KAT6A: variants seen among roughly 807,000 people sequenced by gnomAD.
KAT6A encodes lysine acetyltransferase 6A.
In KAT6A, 9 loss-of-function variants were observed where a neutral mutation model predicts 198.4. The observed-to-expected ratio is 0.05, with a 90% confidence interval of 0.03 to 0.08. The LOEUF (loss-of-function observed/expected upper bound fraction) is 0.08, where lower values mean the gene tolerates loss of function less well. KAT6A is among the 10% of genes least tolerant of loss of function. The pLI, the probability that KAT6A is intolerant of heterozygous loss-of-function variation, is 1.00. For synonymous variants in KAT6A, 890 were observed against 883.0 expected, an observed-to-expected ratio of 1.01 and a Z score of -0.14; for missense variants, 2,077 against 2,509.9, an observed-to-expected ratio of 0.83 and a Z score of 3.69.
At position 42,011,998 on chromosome 8, in the gene KAT6A, C is replaced by T. The variant is rs190677772; in HGVS notation, c.601-24435G>A. On this transcript the variant is annotated intron_variant, in intron 2 of 16. Transcript: ENST00000265713. Reference sequence around the variant, plus strand: ...CACCAAAGAAGATATGTACATAAAACACATGAAAAGATGCTTCACACAACC... The same window carrying T: ...CACCAAAGAAGATATGTACATAAAATACATGAAAAGATGCTTCACACAACC... 2.0e-3 allele frequency among the ~76,000 whole-genome samples: 300 copies of T among 151,426 alleles called. 2 individuals are homozygous for T. Among genetic ancestry groups the T allele is most frequent in the African/African-American group, 6.9e-3 (286 of 41,274 alleles).
Position 41,932,377 on chromosome 8 carries a change from T to A in KAT6A, c.5843A>T (p.Gln1948Leu), listed in dbSNP as rs1024831278. 1 of 1,614,132 alleles carries A rather than the reference T, an allele frequency of 6.2e-7. No homozygotes were observed. The highest frequency in any genetic ancestry group is 8.5e-7 in the Non-Finnish European group (1 of 1,180,048). The change falls in exon 17 of 17, where the codon CAG (glutamine) becomes CTG (leucine). Residue 1948 changes from glutamine to leucine, a missense_variant. Physicochemically the swap from Gln to Leu is moderately radical, Grantham distance 113 (BLOSUM62 -2). Coordinates refer to ENST00000265713, the MANE Select transcript of KAT6A (RefSeq NM_006766.5). Reference protein sequence around the residue: ...SNPAYMNQTAQYPMQMQMGMM... With the variant: ...SNPAYMNQTALYPMQMQMGMM... Reference sequence around the variant, plus strand: ...TCCCATCTGCATCTGCATAGGATACTGTGCTGTCTGGTTCATGTAGGCAGG... The same window carrying A: ...TCCCATCTGCATCTGCATAGGATACAGTGCTGTCTGGTTCATGTAGGCAGG...
intron 12 of KAT6A, among the ~76,000 whole-genome samples, chr8:41,944,808 C>T (rs1180606130): frequency 3.3e-5 from 5 of 152,166 alleles, no homozygotes; most frequent in South Asian, 2.1e-4. Flanking sequence ...ATCATGAGTC[C>T]TATTTCAAAA....
chr8:41,982,182 A>G (rs1443520171), intron 3 of KAT6A, among the ~76,000 whole-genome samples: 1 of 152,168 alleles, frequency 6.6e-6, no homozygotes, highest in Non-Finnish European at 1.5e-5. Context: ...CAATTTGATT[A>G]TTAAAAAAAA....
At chr8:41,996,116 T>G (rs1825189604) in intron 2 of KAT6A, among the ~76,000 whole-genome samples, 1 of 152,220 alleles carries the variant, frequency 6.6e-6, no homozygotes, top group South Asian at 2.1e-4. Context: ...AAAAGAACAG[T>G]CAAGAACCTG....
chr8:42,051,759 C>T (rs1802673223), intron 1 of KAT6A, 142 bp downstream of exon 1: 1 of 145,368 alleles, frequency 6.9e-6, no homozygotes, highest in Non-Finnish European at 1.5e-5. Context: ...AGGCCTGGCG[C>T]AGAGCAGCGG....
chr8:41,974,827 A>G lies in KAT6A; in HGVS notation c.1364-5T>C, dbSNP rs779315524. 2 of 1,590,454 alleles carry G rather than the reference A, an allele frequency of 1.3e-6. No individual in the cohort carries two copies. Among genetic ancestry groups the G allele is most frequent in the Admixed American group, 3.4e-5 (2 of 58,134 alleles). On this transcript the variant is annotated splice_polypyrimidine_tract_variant and splice_region_variant and intron_variant, in intron 7 of 16. Coordinates refer to ENST00000265713, the MANE Select transcript of KAT6A (RefSeq NM_006766.5). ...CATCCCAGCCATCCTGATTGTCTAC[A>G]TATAAAAAAAGAGCTCACATGTTAA...
At position 41,955,313 on chromosome 8, in the gene KAT6A, A is replaced by G; in HGVS notation, c.1581T>C (p.Tyr527=). 1.9e-6 allele frequency: 3 copies of G among 1,602,088 alleles called. No individual in the cohort carries two copies. The highest frequency in any genetic ancestry group is 2.6e-6 in the Non-Finnish European group (3 of 1,169,056). Residue 527 remains tyrosine, a synonymous_variant, in exon 9 of 17, where the codon TAT becomes TAC. Transcript: ENST00000265713. ...YEIHTWYSSP[Y]PQEYSRLPKL... ...AAACATACCTTGAGTATTCTTGAGGATATGGGGAGGAGTACCAGGTGTGAA... is the reference window on the plus strand; with the variant it reads ...AAACATACCTTGAGTATTCTTGAGGGTATGGGGAGGAGTACCAGGTGTGAA...
intron 2 of KAT6A, among the ~76,000 whole-genome samples, chr8:42,032,131 G>A (rs1462505687): frequency 4.6e-5 from 7 of 152,192 alleles, no homozygotes; most frequent in South Asian, 2.1e-4. Flanking sequence ...GGGTTTTGCC[G>A]TGTTAGCCAG....
At position 41,934,257 on chromosome 8, in the gene KAT6A, A is replaced by G. The variant is rs1403492050; in HGVS notation, c.3963T>C (p.Asp1321=). 6.2e-7 allele frequency: 1 copy of G among 1,613,866 alleles called. No homozygotes were observed. Among genetic ancestry groups the G allele is most frequent in the Non-Finnish European group, 8.5e-7 (1 of 1,180,012 alleles). The part of the protein sequence containing the change: ...NDDHDADDED[D]GHLESTKKKE... ...TTTTCTTTGTGGACTCCAGGTGGCCATCATCCTCATCATCAGCGTCGTGGT... is the reference window on the plus strand; with the variant it reads ...TTTTCTTTGTGGACTCCAGGTGGCCGTCATCCTCATCATCAGCGTCGTGGT... The change falls in exon 17 of 17, where the codon GAT becomes GAC. Residue 1321 remains aspartate (D), a synonymous_variant. Transcript: ENST00000265713.
At chr8:41,940,772 A>C in intron 15 of KAT6A, 70 bp downstream of exon 15, 1 of 1,523,594 alleles carries the variant, frequency 6.6e-7, no homozygotes, top group South Asian at 1.3e-5. Flanking sequence ...TCAGAACTGT[A>C]AGCTAAAACG....
At position 41,940,888 on chromosome 8, in the gene KAT6A, C is replaced by G. The variant is rs754507434; in HGVS notation, c.2993G>C (p.Arg998Pro). 1 of 1,613,658 alleles carries G rather than the reference C, an allele frequency of 6.2e-7. No individual in the cohort carries two copies. The highest frequency in any genetic ancestry group is 1.3e-5 in the African/African-American group (1 of 74,910). Residue 998 changes from arginine to proline, a missense_variant, in exon 15 of 17, where the codon CGG becomes CCG. Transcript: ENST00000265713. ...TGTGAGAATTGGTGGCGAGCTTGAC[C>G]GAGGGCTTTCCGGCTCCTCCTCCTC... Reference protein sequence around the residue: ...SEEEEEPESPRSSSPPILTKP... With the variant: ...SEEEEEPESPPSSSPPILTKP...
intron 4 of KAT6A, 39 bp from the exon 5 acceptor site, chr8:41,980,966 T>C (rs529544642): frequency 2.1e-5 from 29 of 1,362,314 alleles, no homozygotes; most frequent in South Asian, 1.4e-4. Flanking sequence ...CTTAACCTTA[T>C]GAAGCAGAAA....
chr8:41,975,751 G>C (rs1824020623), intron 7 of KAT6A, among the ~76,000 whole-genome samples: 1 of 152,074 alleles, frequency 6.6e-6, no homozygotes, highest in Admixed American at 6.6e-5. Context: ...TAAAGCAAAC[G>C]CTCACACCAC....
At position 42,000,664 on chromosome 8, in the gene KAT6A, C is replaced by T. The variant is rs539466030; in HGVS notation, c.601-13101G>A. 4.6e-5 allele frequency among the ~76,000 whole-genome samples: 7 copies of T among 152,246 alleles called. No homozygotes were observed. The South Asian group carries it at 1.5e-3, about 32-fold the overall frequency. ...ATATTGTTATTGTAGGCATTTATTT[C>T]GGCCAAAGGTTTAAGAACACGTGAA... On this transcript the variant is annotated intron_variant, in intron 2 of 16. Transcript: ENST00000265713.
chr8:41,939,548 TGATA>T (rs2150860280), intron 15 of KAT6A, among the ~76,000 whole-genome samples: 1 of 152,202 alleles, frequency 6.6e-6, no homozygotes, highest in East Asian at 1.9e-4. Flanking sequence ...CTATACATAC[TGATA>T]GATATATGCC....
At chr8:41,981,284 C>T (rs192716535) in intron 4 of KAT6A, among the ~76,000 whole-genome samples, 3 of 152,278 alleles carry the variant, frequency 2.0e-5, no homozygotes, top group East Asian at 3.9e-4. Context: ...TGCCACTGCA[C>T]TCCAGCCTGG....
chr8:42,004,262 C>T (rs1258523301), intron 2 of KAT6A, among the ~76,000 whole-genome samples: 1 of 152,082 alleles, frequency 6.6e-6, no homozygotes, highest in African/African-American at 2.4e-5. Flanking sequence ...GAAAATATTA[C>T]AGGTAAGTTG....
intron 8 of KAT6A, among the ~76,000 whole-genome samples, chr8:41,955,934 A>G (rs1161818384): frequency 6.6e-6 from 1 of 152,222 alleles, no homozygotes; most frequent in Non-Finnish European, 1.5e-5. Flanking sequence ...AAGTATCAAG[A>G]GAGTCTTCAT....
At chr8:42,018,828 G>A (rs923113502) in intron 2 of KAT6A, among the ~76,000 whole-genome samples, 6 of 152,114 alleles carry the variant, frequency 3.9e-5, no homozygotes, top group East Asian at 1.9e-4. Flanking sequence ...GGCTGAGGCC[G>A]GAGAATAGCC....
Sources: gnomAD v4.1 joint callset for allele counts (sites outside exome capture counted in the v4.1 genomes callset) on GRCh38, gnomAD v4.1.1 for gene constraint, MANE v1.5 for transcripts, NCBI Gene and HGNC (gene_info 2026-07-23, HGNC 2026-07-21) for gene names.